Variants in MYO3B observed in about 807,000 individuals in gnomAD.
MYO3B encodes myosin IIIB.
In MYO3B, 156 loss-of-function variants were observed where a neutral mutation model predicts 174.6. The observed-to-expected ratio is 0.89, with a 90% CI of 0.78 to 1.02. The LOEUF (loss-of-function observed/expected upper bound fraction) is 1.02, where lower values mean the gene tolerates loss of function less well. Among genes scored for constraint, MYO3B ranks in the 50% least tolerant of loss-of-function variants. The pLI is 0.00. For synonymous variants in MYO3B, 563 were observed against 569.1 expected, an observed-to-expected ratio of 0.99 and a Z score of 0.15; for missense variants, 1,632 against 1,639.4, an observed-to-expected ratio of 1.00 and a Z score of 0.08.
intron 25 of MYO3B, among the ~76,000 whole-genome samples, chr2:170,487,011 T>C (rs961656269): frequency 6.6e-6 from 1 of 152,220 alleles, no homozygotes; most frequent in Non-Finnish European, 1.5e-5. Context: ...TTTATTAAAA[T>C]ATAGACTCCC....
chr2:170,402,171 A>G (rs771619330), intron 18 of MYO3B, among the ~76,000 whole-genome samples: 3 of 152,210 alleles, frequency 2.0e-5, no homozygotes, highest in East Asian at 1.9e-4. Flanking sequence ...GAATTTTTTC[A>G]TCAGACCTTG....
intron 23 of MYO3B, among the ~76,000 whole-genome samples, chr2:170,460,051 C>T (rs973312503): frequency 3.9e-5 from 6 of 152,082 alleles, no homozygotes; most frequent in Non-Finnish European, 8.8e-5. Flanking sequence ...CCGCCCTCGG[C>T]CAGCCCAGAG....
At chr2:170,473,766 C>T (rs572369102) in intron 25 of MYO3B, among the ~76,000 whole-genome samples, 15 of 151,948 alleles carry the variant, frequency 9.9e-5, no homozygotes, top group Non-Finnish European at 1.6e-4. Context: ...GATTTTTTTT[C>T]GAAATCCAAA....
chr2:170,653,039 A>G lies in MYO3B; in HGVS notation c.3944A>G (p.Asp1315Gly). The G allele has an allele frequency of 6.2e-7, 1 of 1,614,136 alleles. No individual in the cohort carries two copies. Among genetic ancestry groups the G allele is most frequent in the Non-Finnish European group, 8.5e-7 (1 of 1,179,972 alleles). Residue 1315 changes from aspartate (D) to glycine (G), a missense_variant, in exon 35 of 35, where the codon GAC becomes GGC. Physicochemically the swap from Asp to Gly is moderately conservative, Grantham distance 94 (BLOSUM62 -1). Transcript: ENST00000408978. ...TATTACAAATCTCTGTCACCAGTGGACTGTATCCCTGAGGAGAACAACTCA... is the reference window on the plus strand; with the variant it reads ...TATTACAAATCTCTGTCACCAGTGGGCTGTATCCCTGAGGAGAACAACTCA... Reference protein sequence around the residue: ...DEYYKSLSPVDCIPEENNSAH... With the variant: ...DEYYKSLSPVGCIPEENNSAH...
At chr2:170,500,269 T>C (rs1337190439) in intron 27 of MYO3B, among the ~76,000 whole-genome samples, 1 of 152,064 alleles carries the variant, frequency 6.6e-6, no homozygotes, top group African/African-American at 2.4e-5. Context: ...AAGTGGAGGA[T>C]GTAGATAGTT....
intron 32 of MYO3B, among the ~76,000 whole-genome samples, chr2:170,577,878 T>G (rs889778833): frequency 6.6e-6 from 1 of 152,198 alleles, no homozygotes; most frequent in African/African-American, 2.4e-5. Flanking sequence ...TCCTTAAACC[T>G]CAAGCATTTC....
At chr2:170,478,991 A>AT (rs1246545933) in intron 25 of MYO3B, among the ~76,000 whole-genome samples, 3 of 150,792 alleles carry the variant, frequency 2.0e-5, no homozygotes, top group Non-Finnish European at 4.4e-5. Flanking sequence ...CTATATACAA[A>AT]TATATATTAT....
At chr2:170,639,970 T>C (rs1697836719) in intron 32 of MYO3B, among the ~76,000 whole-genome samples, 1 of 152,234 alleles carries the variant, frequency 6.6e-6, no homozygotes, top group South Asian at 2.1e-4. Context: ...TGATGGTGCC[T>C]AGAGCTTCCG....
chr2:170,601,631 A>T lies in MYO3B; in HGVS notation c.3734-49997A>T. 3.1e-6 allele frequency: 4 copies of T among 1,277,996 alleles called. No homozygotes were observed. In the East Asian group the frequency reaches 6.9e-5, roughly 22 times the overall value. The allele number at this position is 1,277,996 out of a possible 1,614,324, so 79.2% of individuals were successfully genotyped here. Reference sequence around the variant, plus strand: ...CAACTTATTCATCATCATCTTCTTCATCTTCCTCCTCATAATCCTCTTCAT... The same window carrying T: ...CAACTTATTCATCATCATCTTCTTCTTCTTCCTCCTCATAATCCTCTTCAT... On this transcript the variant is annotated intron_variant, in intron 32 of 34. Coordinates refer to ENST00000408978, the MANE Select transcript of MYO3B (RefSeq NM_138995.5).
In MYO3B at chr2:170,327,197, C is replaced by T. The variant is rs947842601; in HGVS notation, c.750-8188C>T. ...GTCAGGAGATCGAGACCATCCTGGC[C>T]CACATGGTAAAACCCTGTCTCTACT... On this transcript the variant is annotated intron_variant, in intron 7 of 34. Transcript: ENST00000408978. Among the ~76,000 whole-genome samples the T allele has an allele frequency of 5.5e-4, 84 of 152,242 alleles. 1 individual carries two copies. Among genetic ancestry groups the T allele is most frequent in the African/African-American group, 8.2e-4 (34 of 41,542 alleles).
intron 25 of MYO3B, among the ~76,000 whole-genome samples, chr2:170,468,139 C>T (rs765932568): frequency 6.6e-6 from 1 of 152,144 alleles, no homozygotes; most frequent in Non-Finnish European, 1.5e-5. Context: ...TCTGAGCCAG[C>T]AAGTTAATTG....
At chr2:170,192,230 C>T (rs2092549092) in intron 1 of MYO3B, among the ~76,000 whole-genome samples, 1 of 151,504 alleles carries the variant, frequency 6.6e-6, no homozygotes, top group Non-Finnish European at 1.5e-5. Context: ...TGAGGGCTAG[C>T]TCTTTTTTTT....
chr2:170,391,223 G>A (rs1353212432), intron 14 of MYO3B, among the ~76,000 whole-genome samples: 2 of 152,100 alleles, frequency 1.3e-5, no homozygotes, highest in African/African-American at 2.4e-5. Flanking sequence ...CAAGCAGAAG[G>A]TAGTAGGCGT....
At chr2:170,561,204 C>T (rs1559116945) in intron 32 of MYO3B, among the ~76,000 whole-genome samples, 1 of 152,200 alleles carries the variant, frequency 6.6e-6, no homozygotes. Flanking sequence ...ATTATGTTGT[C>T]TCTCCCCTTA....
chr2:170,498,644 A>T lies in MYO3B; in HGVS notation c.3067A>T (p.Ser1023Cys), dbSNP rs1184684395. The change falls in exon 26 of 35, where the codon AGC becomes TGC. Residue 1023 changes from serine to cysteine, a missense_variant. By Grantham distance (112) the Ser-to-Cys change is moderately radical. Transcript: ENST00000408978. Reference sequence around the variant, plus strand: ...TCAAACACCTCTTGCTAGCAAAGAGAGCTGTGTGGCTATCTTGGAAAAGTC... The same window carrying T: ...TCAAACACCTCTTGCTAGCAAAGAGTGCTGTGTGGCTATCTTGGAAAAGTC... Reference protein sequence around the residue: ...AHQTPLASKESCVAILEKSRL... With the variant: ...AHQTPLASKECCVAILEKSRL... The T allele has an allele frequency of 6.2e-7, 1 of 1,613,978 alleles. No individual in the cohort carries two copies. Among genetic ancestry groups the T allele is most frequent in the Non-Finnish European group, 8.5e-7 (1 of 1,179,994 alleles).
At chr2:170,592,155 A>T (rs1693856376) in intron 32 of MYO3B, among the ~76,000 whole-genome samples, 2 of 152,184 alleles carry the variant, frequency 1.3e-5, no homozygotes, top group Non-Finnish European at 2.9e-5. Context: ...CAAAGCCCTC[A>T]CCATAACCAT....
At position 170,302,130 on chromosome 2, in the gene MYO3B, G is replaced by A. The variant is rs78037993; in HGVS notation, c.750-33255G>A. ...CAAAGTTCTTAAAAACCATAATGCT[G>A]CCATAGAGAATGAGGTCTGCATGAC... On this transcript the variant is annotated intron_variant, in intron 7 of 34. Transcript: ENST00000408978. Among the ~76,000 whole-genome samples, 159 of 152,120 alleles carry A rather than the reference G, an allele frequency of 1.0e-3. 1 individual carries two copies. The East Asian group carries it at 0.023, about 22-fold the overall frequency.
At position 170,404,478 on chromosome 2, in the gene MYO3B, G is replaced by A. The variant is rs563373125; in HGVS notation, c.2431+78G>A. 4.3e-5 allele frequency: 60 copies of A among 1,386,652 alleles called. No homozygotes were observed. In the African/African-American group the frequency reaches 8.4e-4, roughly 19 times the overall value. 85.9% of individuals were successfully genotyped at this position (1,386,652 alleles called of 1,614,324 possible). The stretch of plus-strand genomic sequence containing the variant: ...TGTCATCAATTGAGTGTACTTTAAT[G>A]AATTTACCTTACATATTTTGTTTAT... On this transcript the variant is annotated intron_variant, in intron 20 of 34. Coordinates refer to ENST00000408978, the MANE Select transcript of MYO3B (RefSeq NM_138995.5).
At chr2:170,449,952 G>A (rs2105925668) in intron 23 of MYO3B, among the ~76,000 whole-genome samples, 1 of 152,188 alleles carries the variant, frequency 6.6e-6, no homozygotes, top group East Asian at 1.9e-4. Flanking sequence ...ACCCATCAGA[G>A]CCCTATATCT....
Sources: allele counts gnomAD v4.1 joint callset (sites outside exome capture counted in the v4.1 genomes callset), GRCh38; gene constraint gnomAD v4.1.1; transcripts MANE v1.5; gene names NCBI Gene and HGNC (gene_info 2026-07-23, HGNC 2026-07-21).